Variants in SLC9B1 observed in about 807,000 individuals in gnomAD.
The protein encoded by SLC9B1 is solute carrier family 9 member B1, also known as sodium/hydrogen exchanger 9B1.
SLC9B1 carries 32 observed loss-of-function variants against 51.7 expected under a neutral mutation model. The observed-to-expected ratio is 0.62, with a 90% CI of 0.47 to 0.83. The LOEUF (loss-of-function observed/expected upper bound fraction) is 0.83, where lower values mean the gene tolerates loss of function less well. Among genes scored for constraint, SLC9B1 ranks in the 40% least tolerant of loss-of-function variants. The pLI is 0.00. For synonymous variants in SLC9B1, 145 were observed against 212.7 expected (o/e 0.68, Z 2.77); for missense variants, 406 against 613.2 (o/e 0.66, Z 3.57).
At chr4:102,931,220 C>T (rs1000451878) in intron 7 of SLC9B1, among the ~76,000 whole-genome samples, 7 of 110,796 alleles carry the variant, frequency 6.3e-5, no homozygotes, top group African/African-American at 8.2e-5. Flanking sequence ...AGCAAGACTC[C>T]GCCTCAAAAA....
rs1440937857 is a variant in SLC9B1, at chr4:102,991,653, G to A, written c.59C>T (p.Thr20Ile). 3.2e-6 allele frequency: 5 copies of A among 1,585,556 alleles called. No individual in the cohort carries two copies. The highest frequency in any genetic ancestry group is 4.3e-6 in the Non-Finnish European group (5 of 1,163,598). The change falls in exon 2 of 12, where the codon ACA (threonine) becomes ATA (isoleucine). Residue 20 changes from threonine to isoleucine, a missense_variant. Thr to Ile is a moderately conservative substitution (Grantham distance 89). This residue lies in a region of SLC9B1 where 108 missense variants were observed against 94.5 expected (regional missense o/e 1.14). Coordinates refer to ENST00000296422, the MANE Select transcript of SLC9B1 (RefSeq NM_139173.4). ...CTTTTAAGTTTTTACCTGAGGAGTT[G>A]TAGATGTTTGGAAGTTTTCATCCTC... ...HLEDENFQTS[T>I]TPQSLIDPNN...
chr4:102,962,398 G>A (rs1327024357), intron 3 of SLC9B1: 4 of 535,252 alleles, frequency 7.5e-6, no homozygotes, highest in Non-Finnish European at 1.5e-5. Flanking sequence ...AGCAGAATCT[G>A]AGGACCATTA....
At chr4:102,888,774 C>T (rs1024748232) in intron 11 of SLC9B1, 3 of 152,228 alleles carry the variant, frequency 2.0e-5, no homozygotes, top group African/African-American at 7.2e-5. Context: ...TCCGCCTCTG[C>T]TGGGCTCTGT....
chr4:102,945,828 CTT>C (rs1373028418), intron 5 of SLC9B1, among the ~76,000 whole-genome samples: 4 of 152,076 alleles, frequency 2.6e-5, no homozygotes, highest in Admixed American at 1.3e-4. Flanking sequence ...TATTTATGCT[CTT>C]GAGCTATTTC....
At chr4:102,996,952 AT>A (rs35142141) in intron 1 of SLC9B1, among the ~76,000 whole-genome samples, 23 of 148,064 alleles carry the variant, frequency 1.6e-4, no homozygotes, top group South Asian at 8.6e-4. Flanking sequence ...ATGTCCAGCA[AT>A]TTTTTTTTTT....
intron 9 of SLC9B1, among the ~76,000 whole-genome samples, chr4:102,907,015 G>A (rs953126941): frequency 1.3e-5 from 2 of 152,116 alleles, no homozygotes; most frequent in African/African-American, 4.8e-5. Flanking sequence ...GAGCCACCAT[G>A]CCTGGCCTAA....
intron 3 of SLC9B1, among the ~76,000 whole-genome samples, chr4:102,971,140 A>C (rs1738738340): frequency 6.6e-6 from 1 of 152,232 alleles, no homozygotes; most frequent in African/African-American, 2.4e-5. Context: ...AAGCAGACCT[A>C]ATAGACATCT....
At chr4:103,008,797 C>CT (rs34403441) in intron 1 of SLC9B1, among the ~76,000 whole-genome samples, 40,801 of 99,432 alleles carry the variant, frequency 0.41, 8,416 homozygotes, top group African/African-American at 0.47. Context: ...TTAACAGTTT[C>CT]TTTTTTTTTT....
At chr4:103,007,515 C>T (rs1740847328) in intron 1 of SLC9B1, among the ~76,000 whole-genome samples, 1 of 151,008 alleles carries the variant, frequency 6.6e-6, no homozygotes. Context: ...CTTGGCATCA[C>T]TATAAATGCA....
At chr4:102,923,921 G>T (rs1560929742) in intron 7 of SLC9B1, among the ~76,000 whole-genome samples, 1 of 152,154 alleles carries the variant, frequency 6.6e-6, no homozygotes, top group Non-Finnish European at 1.5e-5. Flanking sequence ...ACAAACAAAT[G>T]GAAGAACATT....
chr4:102,973,853 C>T (rs541409806), intron 3 of SLC9B1, among the ~76,000 whole-genome samples: 1 of 152,038 alleles, frequency 6.6e-6, no homozygotes, highest in Non-Finnish European at 1.5e-5. Context: ...AGAGCTGAGG[C>T]AGTACTGAAA....
chr4:103,000,156 T>G (rs1167856870), intron 1 of SLC9B1, among the ~76,000 whole-genome samples: 1 of 152,196 alleles, frequency 6.6e-6, no homozygotes. Flanking sequence ...CCTCTACACA[T>G]GGAGATTACA....
At chr4:102,916,239 GA>G in intron 7 of SLC9B1, among the ~76,000 whole-genome samples, 1 of 152,196 alleles carries the variant, frequency 6.6e-6, no homozygotes, top group East Asian at 1.9e-4. Flanking sequence ...AAAGTGAAAG[GA>G]TGGAAAAAGA....
In SLC9B1 at chr4:102,940,554, T is replaced by C. The variant is rs182578325; in HGVS notation, c.653+4639A>G. Among the ~76,000 whole-genome samples the C allele has an allele frequency of 5.0e-3, 754 of 152,024 alleles. 4 individuals carry two copies. Among genetic ancestry groups the C allele is most frequent in the African/African-American group, 0.017 (711 of 41,464 alleles). On this transcript the variant is annotated intron_variant, in intron 6 of 11. Coordinates refer to ENST00000296422, the MANE Select transcript of SLC9B1 (RefSeq NM_139173.4). ...AACAAACAAACAAAAAAAGCCCAAATAGCCAAAGCAATCCTAAGCAAAAAG... is the reference window on the plus strand; with the variant it reads ...AACAAACAAACAAAAAAAGCCCAAACAGCCAAAGCAATCCTAAGCAAAAAG...
intron 9 of SLC9B1, among the ~76,000 whole-genome samples, chr4:102,908,521 C>G (rs1337113266): frequency 1.3e-5 from 2 of 151,676 alleles, no homozygotes; most frequent in Admixed American, 6.6e-5. Flanking sequence ...TATGTATAAC[C>G]TTACCTCACA....
chr4:102,951,406 T>C (rs1737546102), intron 3 of SLC9B1, among the ~76,000 whole-genome samples: 1 of 152,018 alleles, frequency 6.6e-6, no homozygotes, highest in African/African-American at 2.4e-5. Context: ...CTACAAAGAA[T>C]GGGATTAGAT....
intron 1 of SLC9B1, among the ~76,000 whole-genome samples, chr4:103,008,341 T>A (rs1740900106): frequency 6.6e-6 from 1 of 152,134 alleles, no homozygotes; most frequent in Non-Finnish European, 1.5e-5. Context: ...GAATGTCTGT[T>A]TGATTATATA....
intron 7 of SLC9B1, among the ~76,000 whole-genome samples, chr4:102,928,623 C>T (rs1376592583): frequency 6.6e-6 from 1 of 152,144 alleles, no homozygotes. Flanking sequence ...CTGTATTAGT[C>T]ATGGTTCTCT....
intron 1 of SLC9B1, among the ~76,000 whole-genome samples, chr4:103,002,147 C>A (rs759170581): frequency 2.0e-5 from 3 of 152,196 alleles, no homozygotes; most frequent in Admixed American, 6.5e-5. Flanking sequence ...TCTCCCTCAA[C>A]ACGTGGGGAT....
Sources: allele counts gnomAD v4.1 joint callset (sites outside exome capture counted in the v4.1 genomes callset), GRCh38; gene constraint gnomAD v4.1.1; regional missense constraint gnomAD v4.1.1; transcripts MANE v1.5; gene names NCBI Gene and HGNC (gene_info 2026-07-23, HGNC 2026-07-21).